CNBD1: variants seen among roughly 807,000 people sequenced by gnomAD.
CNBD1 encodes cyclic nucleotide-binding domain-containing protein 1.
CNBD1 carries 71 observed loss-of-function variants against 54.4 expected under a neutral mutation model. That is an observed-to-expected ratio of 1.30 (90% confidence interval 1.08 to 1.59). CNBD1 has a LOEUF of 1.59. Among genes scored for constraint, CNBD1 ranks in the 40% most tolerant of loss-of-function variants. The pLI is 0.00. For synonymous variants in CNBD1, 182 were observed against 170.7 expected (o/e 1.07, Z -0.51); for missense variants, 659 against 518.0 (o/e 1.27, Z -2.64).
chr8:87,394,586 G>C (rs1811375458), intron 2 of CNBD1, among the ~76,000 whole-genome samples: 1 of 151,834 alleles, frequency 6.6e-6, no homozygotes, highest in African/African-American at 2.4e-5. Context: ...TAACTGTATA[G>C]TCAATGCCAT....
chr8:87,000,888 A>T (rs1808976997), intron 4 of CNBD1, among the ~76,000 whole-genome samples: 1 of 152,130 alleles, frequency 6.6e-6, no homozygotes, highest in Non-Finnish European at 1.5e-5. Flanking sequence ...ATATAAGTAG[A>T]CTAGGTCTCA....
chr8:86,979,988 T>G (rs538368703), intron 4 of CNBD1, among the ~76,000 whole-genome samples: 151 of 152,328 alleles, frequency 9.9e-4, no homozygotes, highest in African/African-American at 3.5e-3. Flanking sequence ...TATTAATCAG[T>G]TTTTGCTAAT....
intron 6 of CNBD1, among the ~76,000 whole-genome samples, chr8:87,263,397 G>T (rs188848531): frequency 8.1e-4 from 124 of 152,180 alleles, no homozygotes; most frequent in Non-Finnish European, 1.9e-4. Flanking sequence ...TGGGCAACAT[G>T]TATAGCTAGT....
chr8:86,884,550 A>G (rs1443921499), intron 1 of CNBD1, among the ~76,000 whole-genome samples: 1 of 152,220 alleles, frequency 6.6e-6, no homozygotes, highest in Non-Finnish European at 1.5e-5. Flanking sequence ...CTCACTAGAT[A>G]GGTTTAGACT....
rs1808361154 is a variant in CNBD1, at chr8:86,866,427, TG to T, written c.-68del. 4 of 1,108,026 alleles carry T rather than the reference TG, an allele frequency of 3.6e-6. No homozygotes were observed. In the Admixed American group the frequency reaches 7.9e-5, roughly 22 times the overall value. The allele number at this position is 1,108,026 out of a possible 1,614,324, so 68.6% of individuals were successfully genotyped here. Reference sequence around the variant, plus strand: ...ACCTTGAAGTTCTGCTTTATGAGCCTGCAGGCAAAGAGTGATCATTTGCCTC... The same window carrying T: ...ACCTTGAAGTTCTGCTTTATGAGCCTCAGGCAAAGAGTGATCATTTGCCTC... On this transcript the variant is annotated 5_prime_UTR_variant, in exon 1 of 11. It introduces an in-frame stop codon into an upstream open reading frame of the 5' UTR. Transcript: ENST00000518476.
intron 2 of CNBD1, among the ~76,000 whole-genome samples, chr8:87,421,075 G>T (rs537981286): frequency 9.2e-5 from 14 of 151,758 alleles, no homozygotes; most frequent in African/African-American, 2.9e-4. Context: ...TTAAACATTT[G>T]GTTCTCAATA....
chr8:86,876,348 T>G (rs1218742204), intron 1 of CNBD1, among the ~76,000 whole-genome samples: 1 of 152,036 alleles, frequency 6.6e-6, no homozygotes, highest in Non-Finnish European at 1.5e-5. Flanking sequence ...TTTGTTTAGT[T>G]TCAGTTTTTT....
intron 4 of CNBD1, among the ~76,000 whole-genome samples, chr8:86,966,065 G>A (rs1444330811): frequency 6.6e-6 from 1 of 152,168 alleles, no homozygotes; most frequent in South Asian, 2.1e-4. Flanking sequence ...GGGAGGAAGT[G>A]CCTGCTGATT....
chr8:87,361,136 A>G (rs1312567297), intron 10 of CNBD1, among the ~76,000 whole-genome samples: 1 of 151,934 alleles, frequency 6.6e-6, no homozygotes, highest in African/African-American at 2.4e-5. Flanking sequence ...AAATTTTGAT[A>G]TATGCAATTC....
At chr8:87,058,836 T>A (rs777790790) in intron 4 of CNBD1, among the ~76,000 whole-genome samples, 4 of 152,202 alleles carry the variant, frequency 2.6e-5, no homozygotes, top group Non-Finnish European at 5.9e-5. Flanking sequence ...CCTATTGTTT[T>A]GGAGATTAAC....
intron 4 of CNBD1, among the ~76,000 whole-genome samples, chr8:87,043,740 A>G (rs1455287460): frequency 1.3e-5 from 2 of 152,024 alleles, no homozygotes; most frequent in Admixed American, 6.6e-5. Context: ...ATTCTTCCTT[A>G]CTCTCTGCCA....
intron 5 of CNBD1, among the ~76,000 whole-genome samples, chr8:87,212,038 G>A (rs1814110054): frequency 6.6e-6 from 1 of 151,860 alleles, no homozygotes; most frequent in East Asian, 1.9e-4. Context: ...AGTACTTAAA[G>A]GAGAATTTAG....
intron 4 of CNBD1, among the ~76,000 whole-genome samples, chr8:87,203,209 A>G (rs1286971766): frequency 6.6e-6 from 1 of 152,230 alleles, no homozygotes; most frequent in Non-Finnish European, 1.5e-5. Context: ...ATAGTGTTAT[A>G]AATTTGTTAG....
At chr8:87,337,352 G>C (rs988091419) in intron 8 of CNBD1, among the ~76,000 whole-genome samples, 3 of 152,142 alleles carry the variant, frequency 2.0e-5, no homozygotes, top group Non-Finnish European at 4.4e-5. Flanking sequence ...CCTCCAACTA[G>C]GTCCTCAGAC....
intron 4 of CNBD1, among the ~76,000 whole-genome samples, chr8:86,941,669 G>C (rs1008499252): frequency 6.6e-6 from 1 of 152,174 alleles, no homozygotes; most frequent in Admixed American, 6.5e-5. Context: ...TCAATGTCAG[G>C]ATGGAAACTA....
chr8:87,344,770 C>T (rs980528630), intron 8 of CNBD1, among the ~76,000 whole-genome samples: 4 of 152,064 alleles, frequency 2.6e-5, no homozygotes, highest in Non-Finnish European at 4.4e-5. Context: ...TGGTACCATC[C>T]ATGTACTTCC....
At chr8:87,278,606 A>G (rs774585453) in intron 6 of CNBD1, among the ~76,000 whole-genome samples, 14 of 151,612 alleles carry the variant, frequency 9.2e-5, no homozygotes, top group African/African-American at 1.4e-4. Context: ...GTATTCAGAC[A>G]AAGAGTAAAG....
At chr8:86,970,547 C>G (rs1027138332) in intron 4 of CNBD1, among the ~76,000 whole-genome samples, 2 of 151,358 alleles carry the variant, frequency 1.3e-5, no homozygotes, top group African/African-American at 2.4e-5. Context: ...TATGAATGAT[C>G]TGTCACCCAG....
chr8:86,934,541 C>A (rs778105646), intron 3 of CNBD1, among the ~76,000 whole-genome samples: 3 of 152,146 alleles, frequency 2.0e-5, no homozygotes, highest in Non-Finnish European at 4.4e-5. Flanking sequence ...TCAATTAAAG[C>A]AATATCCATG....
Sources: allele counts gnomAD v4.1 joint callset (sites outside exome capture counted in the v4.1 genomes callset), GRCh38; gene constraint gnomAD v4.1.1; transcripts MANE v1.5; gene names NCBI Gene and HGNC (gene_info 2026-07-23, HGNC 2026-07-21).